Variants in ZNF407 observed in about 807,000 individuals in gnomAD.
ZNF407 encodes zinc finger protein 407.
Under a neutral mutation model 131.2 loss-of-function variants are expected in ZNF407, and 17 were observed. The observed-to-expected ratio is 0.13, with a 90% CI of 0.09 to 0.19. The LOEUF is 0.19. ZNF407 is among the 10% of genes least tolerant of loss of function. The pLI is 1.00. For synonymous variants in ZNF407, 1,156 were observed against 1,062.0 expected (o/e 1.09, Z -1.72); for missense variants, 2,681 against 2,830.6 (o/e 0.95, Z 1.20).
chr18:74,893,055 T>A (rs940943374), intron 7 of ZNF407, among the ~76,000 whole-genome samples: 1 of 152,188 alleles, frequency 6.6e-6, no homozygotes, highest in Non-Finnish European at 1.5e-5. Flanking sequence ...GTATTATACG[T>A]TTTACTAAGG....
intron 8 of ZNF407, among the ~76,000 whole-genome samples, chr18:75,016,902 C>T (rs1599295471): frequency 6.6e-6 from 1 of 152,026 alleles, no homozygotes; most frequent in East Asian, 1.9e-4. Context: ...TCACAATTGC[C>T]CTGAAGGCCA....
At chr18:74,723,820 T>C (rs758701965) in intron 3 of ZNF407, among the ~76,000 whole-genome samples, 1 of 151,816 alleles carries the variant, frequency 6.6e-6, no homozygotes, top group Non-Finnish European at 1.5e-5. Flanking sequence ...ATTTGCATCA[T>C]GGTTTGCTTC....
At chr18:74,627,254 T>C (rs1983824228) in intron 1 of ZNF407, among the ~76,000 whole-genome samples, 2 of 152,228 alleles carry the variant, frequency 1.3e-5, no homozygotes, top group Admixed American at 6.5e-5. Context: ...TTAAGCAATG[T>C]ATTGTCTCGA....
intron 3 of ZNF407, among the ~76,000 whole-genome samples, chr18:74,780,528 T>C (rs2145025838): frequency 6.6e-6 from 1 of 152,328 alleles, no homozygotes; most frequent in Non-Finnish European, 1.5e-5. Context: ...CATGTACATA[T>C]GCAAATAGAT....
intron 8 of ZNF407, among the ~76,000 whole-genome samples, chr18:74,951,793 GTAAAA>G (rs1043631414): frequency 4.6e-5 from 7 of 151,518 alleles, no homozygotes; most frequent in Non-Finnish European, 8.8e-5. Flanking sequence ...TAAATGAAAA[GTAAAA>G]TAAGATAATT....
rs187750632 is a variant in ZNF407, at chr18:75,010,433, C to T, written c.5429-52717C>T. ...ATGTGTACAACTAAATTCCCAAAAA[C>T]AGCAACAGTCATGTGTCACCAAAAT... On this transcript the variant is annotated intron_variant, in intron 8 of 8. Transcript: ENST00000299687. Among the ~76,000 whole-genome samples the T allele has an allele frequency of 2.6e-5, 4 of 152,270 alleles. No individual in the cohort carries two copies. In the South Asian group the frequency reaches 6.2e-4, roughly 24 times the overall value.
rs1984175100 is a variant in ZNF407, at chr18:74,632,585, T to C, written c.1566T>C (p.Ser522=). 6.2e-7 allele frequency: 1 copy of C among 1,614,064 alleles called. No homozygotes were observed. The highest frequency in any genetic ancestry group is 8.5e-7 in the Non-Finnish European group (1 of 1,179,904). Residue 522 remains serine (S), a synonymous_variant, in exon 2 of 9, where the codon TCT becomes TCC. Transcript: ENST00000299687. ...ATTCCCTGACAGTGAAGCCAGCTTC[T>C]GGCTCTCAGACGTTGTGTGCTTGTA... ...GLHSLTVKPA[S]GSQTLCACTD... is the part of the protein sequence containing the mutation.
intron 1 of ZNF407, among the ~76,000 whole-genome samples, chr18:74,624,252 C>T (rs1983691133): frequency 6.6e-6 from 1 of 152,076 alleles, no homozygotes; most frequent in Non-Finnish European, 1.5e-5. Context: ...TGAAATCTGC[C>T]TCAGAAAAAT....
chr18:74,753,067 T>G (rs1003135632), intron 3 of ZNF407, among the ~76,000 whole-genome samples: 3 of 152,126 alleles, frequency 2.0e-5, no homozygotes, highest in Admixed American at 6.6e-5. Context: ...GTGGTTTGTA[T>G]TTCTCCTTGA....
At chr18:74,879,713 C>A (rs1235855193) in intron 5 of ZNF407, among the ~76,000 whole-genome samples, 1 of 152,062 alleles carries the variant, frequency 6.6e-6, no homozygotes, top group Non-Finnish European at 1.5e-5. Context: ...TAAATTCAGC[C>A]TTATTTTTAA....
At chr18:75,002,804 C>CAAA (rs11337117) in intron 8 of ZNF407, among the ~76,000 whole-genome samples, 2 of 109,944 alleles carry the variant, frequency 1.8e-5, no homozygotes, top group South Asian at 6.1e-4. Flanking sequence ...GACTCCGGCT[C>CAAA]AAAAAAAAAA....
intron 3 of ZNF407, among the ~76,000 whole-genome samples, chr18:74,720,034 G>A (rs1036714024): frequency 3.3e-5 from 5 of 152,010 alleles, no homozygotes; most frequent in African/African-American, 9.7e-5. Flanking sequence ...TTGCTGCATC[G>A]CATGGTTGAT....
chr18:74,935,275 T>A (rs1424974503), intron 8 of ZNF407, among the ~76,000 whole-genome samples: 6 of 152,232 alleles, frequency 3.9e-5, no homozygotes, highest in Non-Finnish European at 8.8e-5. Flanking sequence ...CTCATAACTC[T>A]TCTCATTTAT....
At chr18:74,776,013 G>A (rs1349604015) in intron 3 of ZNF407, among the ~76,000 whole-genome samples, 1 of 152,138 alleles carries the variant, frequency 6.6e-6, no homozygotes, top group Non-Finnish European at 1.5e-5. Context: ...TTAACATTGC[G>A]GATTGCAATT....
intron 4 of ZNF407, among the ~76,000 whole-genome samples, chr18:74,862,822 T>G (rs1014483988): frequency 6.6e-6 from 1 of 152,202 alleles, no homozygotes; most frequent in African/African-American, 2.4e-5. Context: ...CAGGTAAAAG[T>G]TAGAATTCAG....
intron 4 of ZNF407, among the ~76,000 whole-genome samples, chr18:74,839,749 A>G (rs185545157): frequency 3.2e-4 from 48 of 152,274 alleles, no homozygotes; most frequent in African/African-American, 1.1e-3. Flanking sequence ...TCTAAAAACT[A>G]TGTGTGTATG....
Position 75,063,069 on chromosome 18 carries a change from A to T in ZNF407, c.5429-81A>T. On this transcript the variant is annotated intron_variant, in intron 8 of 8. Transcript: ENST00000299687. This position sits in a 1 kb window ranked among gnomAD's most constrained non-coding sequence, Gnocchi z 6.6. ...GTCGTGGTGACTCTGCTGAGGCCTG[A>T]GCGCTTCTGCAGAAGAAGTGTCTTA... 7.6e-7 allele frequency: 1 copy of T among 1,315,338 alleles called. No individual in the cohort carries two copies. The highest frequency in any genetic ancestry group is 1.1e-6 in the Non-Finnish European group (1 of 951,588). 81.5% of individuals were successfully genotyped at this position (1,315,338 alleles called of 1,614,324 possible). A position where few individuals can be genotyped will look rare whatever the true frequency, so the allele number is the denominator to read the frequency against.
chr18:74,916,120 AGTGTGT>A (rs367957127), intron 7 of ZNF407, among the ~76,000 whole-genome samples: 1 of 7,244 alleles, frequency 1.4e-4, no homozygotes, highest in African/African-American at 5.8e-4. Flanking sequence ...TCGAATCGGG[AGTGTGT>A]GTGTGTGTGT....
intron 3 of ZNF407, among the ~76,000 whole-genome samples, chr18:74,666,699 C>G (rs1037569223): frequency 6.6e-6 from 1 of 152,132 alleles, no homozygotes; most frequent in Non-Finnish European, 1.5e-5. Context: ...GTAACAAACT[C>G]CCACAAGCTG....
Sources: gnomAD v4.1 joint callset for allele counts (sites outside exome capture counted in the v4.1 genomes callset) on GRCh38, gnomAD v4.1.1 for gene constraint, Gnocchi (gnomAD v3.1) non-coding constraint, MANE v1.5 for transcripts, NCBI Gene and HGNC (gene_info 2026-07-23, HGNC 2026-07-21) for gene names.